The following MCC variants were observed in gnomAD, a reference collection of about 807,000 sequenced individuals.
MCC encodes the protein colorectal mutant cancer protein.
MCC carries 90 observed loss-of-function variants against 116.2 expected under a neutral mutation model. The ratio of observed to expected loss-of-function variants is 0.77; its 90% CI spans 0.65 to 0.92. The LOEUF is 0.92. Ranked by LOEUF, MCC falls within the 40% of genes least tolerant of loss-of-function variation. The pLI is 0.00. For missense variants in MCC, 1,516 were observed against 1,312.2 expected (o/e 1.16, Z -2.40); for synonymous variants, 578 against 510.5 (o/e 1.13, Z -1.78).
Position 113,444,814 on chromosome 5 carries a change from T to C in MCC, c.170+43431A>G, listed in dbSNP as rs555433878. ...GGCCTTGCATCAGTTTCTGGGCCAA[T>C]GACCTGATGACGATAACAACAACAA... On this transcript the variant is annotated intron_variant, in intron 1 of 18. Coordinates refer to ENST00000408903, the MANE Select transcript of MCC (RefSeq NM_001085377.2). 7.9e-5 allele frequency among the ~76,000 whole-genome samples: 12 copies of C among 152,344 alleles called. 1 individual carries two copies. In the South Asian group the frequency reaches 2.5e-3, roughly 32 times the overall value.
chr5:113,426,571 G>A (rs543513484), intron 1 of MCC, among the ~76,000 whole-genome samples: 3 of 152,224 alleles, frequency 2.0e-5, no homozygotes, highest in East Asian at 3.9e-4. Context: ...ATGGTACCTG[G>A]CAATGCAGCA....
rs1750252765 is a variant in MCC at position 113,022,968 on chromosome 5, C to G, written c.*4334G>C. 1 of 152,160 alleles carries G rather than the reference C, an allele frequency of 6.6e-6. No individual in the cohort carries two copies. The highest frequency in any genetic ancestry group is 1.5e-5 in the Non-Finnish European group (1 of 68,034). 9.4% of individuals were successfully genotyped at this position (152,160 alleles called of 1,614,324 possible). On this transcript the variant is annotated 3_prime_UTR_variant, in exon 19 of 19. Transcript: ENST00000408903. ...CCTTTAAGCAAAAATGTATGGTGAT[C>G]TGCATGTGAAACTGTCTTTCTCTAC...
At position 113,429,059 on chromosome 5, in the gene MCC, C is replaced by T. The variant is rs190169901; in HGVS notation, c.171-43847G>A. On this transcript the variant is annotated intron_variant, in intron 1 of 18. Transcript: ENST00000408903. ...CCATTATCCATTAGCTCTCCTTCAC[C>T]GAAGAAATAGGACAAAAACTTTACA... 5.9e-5 allele frequency among the ~76,000 whole-genome samples: 9 copies of T among 152,216 alleles called. No individual in the cohort carries two copies. In the East Asian group the frequency reaches 1.5e-3, roughly 26 times the overall value.
chr5:113,114,481 C>T (rs13183472), intron 6 of MCC, among the ~76,000 whole-genome samples: 62,512 of 151,996 alleles, frequency 0.41, 15,390 homozygotes, highest in East Asian at 0.64. Flanking sequence ...CCTGGCGAAG[C>T]CCCACCCTGA....
chr5:113,292,983 A>C (rs1440375082), intron 3 of MCC, among the ~76,000 whole-genome samples: 1 of 152,140 alleles, frequency 6.6e-6, no homozygotes, highest in African/African-American at 2.4e-5. Flanking sequence ...CCCATTTTTA[A>C]GTTCTCACTC....
chr5:113,028,880 G>T, intron 18 of MCC, 54 bp downstream of exon 18: 1 of 1,594,968 alleles, frequency 6.3e-7, no homozygotes, highest in Non-Finnish European at 8.6e-7. Flanking sequence ...CAGGGTGTCA[G>T]TCCAAGTACC....
chr5:113,219,681 T>G (rs1763465806), intron 3 of MCC, among the ~76,000 whole-genome samples: 1 of 152,222 alleles, frequency 6.6e-6, no homozygotes, highest in East Asian at 1.9e-4. Flanking sequence ...CTTTCCATAA[T>G]AAAGTGAGGT....
chr5:113,231,055 C>A (rs746668816), intron 3 of MCC, among the ~76,000 whole-genome samples: 8 of 151,828 alleles, frequency 5.3e-5, no homozygotes, highest in Non-Finnish European at 1.2e-4. Context: ...TTCTGAAAAG[C>A]AAATCCTCTT....
At chr5:113,076,461 C>G (rs561674319) in intron 11 of MCC, among the ~76,000 whole-genome samples, 1 of 152,278 alleles carries the variant, frequency 6.6e-6, no homozygotes, top group East Asian at 1.9e-4. Context: ...TAGCTGATTT[C>G]TTGGGAGAAA....
intron 1 of MCC, among the ~76,000 whole-genome samples, chr5:113,449,521 C>A (rs1054139260): frequency 6.6e-6 from 1 of 152,194 alleles, no homozygotes; most frequent in Non-Finnish European, 1.5e-5. Context: ...GCTGCCTCAG[C>A]GGAGGCCAGG....
intron 3 of MCC, among the ~76,000 whole-genome samples, chr5:113,281,167 G>C (rs540223319): frequency 3.3e-5 from 5 of 152,250 alleles, no homozygotes; most frequent in Admixed American, 2.0e-4. Context: ...CGTTGCTATG[G>C]GGGATATTCC....
chr5:113,402,835 T>C (rs26964), intron 1 of MCC, among the ~76,000 whole-genome samples: 67,082 of 151,844 alleles, frequency 0.44, 16,336 homozygotes, highest in African/African-American at 0.64. Flanking sequence ...GAAGATATCG[T>C]CCAGGCTGGA....
At chr5:113,186,531 T>C (rs1761906643) in intron 3 of MCC, among the ~76,000 whole-genome samples, 1 of 152,212 alleles carries the variant, frequency 6.6e-6, no homozygotes, top group Non-Finnish European at 1.5e-5. Flanking sequence ...CCTCCTAGTC[T>C]ACTTCATCTA....
intron 3 of MCC, among the ~76,000 whole-genome samples, chr5:113,324,656 C>T (rs912270519): frequency 6.6e-6 from 1 of 152,150 alleles, no homozygotes; most frequent in Non-Finnish European, 1.5e-5. Flanking sequence ...AATAACACTA[C>T]CTCTATTTCT....
intron 3 of MCC, among the ~76,000 whole-genome samples, chr5:113,233,858 G>T (rs1340813502): frequency 7.9e-5 from 12 of 152,188 alleles, no homozygotes; most frequent in Admixed American, 7.9e-4. Context: ...GGATGACTCT[G>T]TCAGAAGCAA....
intron 14 of MCC, among the ~76,000 whole-genome samples, chr5:113,059,724 G>A (rs767808111): frequency 6.6e-5 from 10 of 152,214 alleles, no homozygotes; most frequent in East Asian, 1.9e-4. Flanking sequence ...TGGAGCTCCC[G>A]TCACGCTGGC....
chr5:113,400,704 T>C (rs547120664), intron 1 of MCC, among the ~76,000 whole-genome samples: 14 of 152,328 alleles, frequency 9.2e-5, no homozygotes, highest in African/African-American at 3.4e-4. Context: ...TTACAGGGTC[T>C]ATCAGTGCCT....
chr5:113,102,020 C>A, intron 7 of MCC, 75 bp from the exon 8 acceptor site: 1 of 1,429,338 alleles, frequency 7.0e-7, no homozygotes, highest in African/African-American at 1.4e-5. Flanking sequence ...ATAGGCTGAA[C>A]AGGAATAAAT....
intron 3 of MCC, among the ~76,000 whole-genome samples, chr5:113,189,075 C>T (rs75754531): frequency 0.055 from 8,445 of 152,242 alleles, 275 homozygotes; most frequent in African/African-American, 0.069. Context: ...GTCTACCAAG[C>T]CCTGTGAAAA....
Sources: gnomAD v4.1 joint callset for allele counts (sites outside exome capture counted in the v4.1 genomes callset) on GRCh38, gnomAD v4.1.1 for gene constraint, MANE v1.5 for transcripts, NCBI Gene and HGNC (gene_info 2026-07-23, HGNC 2026-07-21) for gene names.